Variants in FLI1 observed in about 807,000 individuals in gnomAD.
The protein encoded by FLI1 is Fli-1 proto-oncogene, ETS transcription factor, also known as Friend leukemia integration 1 transcription factor.
Under a neutral mutation model 53.1 loss-of-function variants are expected in FLI1, and 13 were observed. The observed-to-expected ratio is 0.24, with a 90% CI of 0.16 to 0.39. The LOEUF (loss-of-function observed/expected upper bound fraction) is 0.39. FLI1 is among the 10% of genes least tolerant of loss of function. The pLI, the probability that FLI1 is intolerant of heterozygous loss-of-function variation, is 1.00. For synonymous variants in FLI1, 244 were observed against 236.7 expected (o/e 1.03, Z -0.28); for missense variants, 424 against 600.5 (o/e 0.71, Z 3.07).
At chr11:128,750,233 T>C (rs1202347929) in intron 1 of FLI1, among the ~76,000 whole-genome samples, 1 of 152,156 alleles carries the variant, frequency 6.6e-6, no homozygotes, top group Non-Finnish European at 1.5e-5. Context: ...CTGGTTGCTT[T>C]TGACATTCCT....
chr11:128,768,325 G>C (rs748613082), intron 3 of FLI1, 53 bp downstream of exon 3: 1 of 1,603,518 alleles, frequency 6.2e-7, no homozygotes, highest in Non-Finnish European at 8.5e-7. Context: ...ACTCTCTGGG[G>C]GGGCAGGGAG....
At chr11:128,692,261 G>C (rs1389048823), upstream of FLI1, 1 of 152,294 alleles carries the variant, frequency 6.6e-6, no homozygotes, top group African/African-American at 2.4e-5. Context: ...GGAGGAAAGG[G>C]TTAAGCCTGA....
intron 4 of FLI1, among the ~76,000 whole-genome samples, chr11:128,777,853 G>A (rs1941787227): frequency 6.6e-6 from 1 of 152,212 alleles, no homozygotes; most frequent in South Asian, 2.1e-4. Context: ...CCCTGGCCCA[G>A]GTGTCCCCGA....
intron 5 of FLI1, among the ~76,000 whole-genome samples, chr11:128,802,288 C>T (rs141114420): frequency 1.8e-4 from 28 of 152,326 alleles, no homozygotes; most frequent in African/African-American, 5.3e-4. Flanking sequence ...ATTGACCAGA[C>T]GTCTCCTCGA....
At chr11:128,691,582 T>G (rs1334254044), upstream of FLI1, 1 of 152,322 alleles carries the variant, frequency 6.6e-6, no homozygotes, top group East Asian at 1.9e-4. Flanking sequence ...GTGGTGCCTG[T>G]GCCAGGCTCT....
chr11:128,703,523 T>C (rs1005537221), intron 1 of FLI1, among the ~76,000 whole-genome samples: 3 of 152,138 alleles, frequency 2.0e-5, no homozygotes, highest in African/African-American at 4.8e-5. Context: ...CTCCAATGTA[T>C]ATTATTACAT....
At chr11:128,709,251 A>G (rs1938687348) in intron 1 of FLI1, among the ~76,000 whole-genome samples, 1 of 152,250 alleles carries the variant, frequency 6.6e-6, no homozygotes, top group Admixed American at 6.5e-5. Context: ...TGGAAGTAAA[A>G]GCACTTTGTA....
Position 128,812,229 on chromosome 11 carries a change from G to A in FLI1, c.*1241G>A, listed in dbSNP as rs538076192. On this transcript the variant is annotated 3_prime_UTR_variant, in exon 9 of 9. Coordinates refer to ENST00000527786, the MANE Select transcript of FLI1 (RefSeq NM_002017.5). ...TAATCACAGCTCTGGGAAAAACAACGAAACTTTCCCTTGTGGAGAGGAGGG... is the reference window on the plus strand; with the variant it reads ...TAATCACAGCTCTGGGAAAAACAACAAAACTTTCCCTTGTGGAGAGGAGGG... 7 of 218,942 alleles carry A rather than the reference G, an allele frequency of 3.2e-5. No homozygotes were observed. Among genetic ancestry groups the A allele is most frequent in the African/African-American group, 1.1e-4 (5 of 44,602 alleles). The allele number at this position is 218,942 out of a possible 1,614,324, so 13.6% of individuals were successfully genotyped here. A position where few individuals can be genotyped will look rare whatever the true frequency, so the allele number is the denominator to read the frequency against.
intron 2 of FLI1, 69 bp from the exon 3 acceptor site, chr11:128,768,049 A>G: frequency 1.4e-6 from 2 of 1,432,584 alleles, no homozygotes; most frequent in Non-Finnish European, 1.9e-6. Context: ...TGGGCTCATG[A>G]TTCAGAGGCT....
chr11:128,795,741 A>G (rs1174162642), intron 5 of FLI1, among the ~76,000 whole-genome samples: 1 of 151,998 alleles, frequency 6.6e-6, no homozygotes, highest in Non-Finnish European at 1.5e-5. Context: ...TAGTAGAGAC[A>G]TGGTTTCACC....
chr11:128,705,028 A>G (rs1180495191), intron 1 of FLI1, among the ~76,000 whole-genome samples: 4 of 152,250 alleles, frequency 2.6e-5, no homozygotes, highest in Non-Finnish European at 5.9e-5. Context: ...AGAAAATAGA[A>G]AAGCAATTAT....
chr11:128,748,012 C>T (rs1940475963), intron 1 of FLI1, among the ~76,000 whole-genome samples: 1 of 152,078 alleles, frequency 6.6e-6, no homozygotes, highest in Non-Finnish European at 1.5e-5. Context: ...TGTGAACACT[C>T]AAAGTCAACA....
chr11:128,778,408 C>A (rs1177175548), intron 4 of FLI1, among the ~76,000 whole-genome samples: 1 of 152,208 alleles, frequency 6.6e-6, no homozygotes, highest in African/African-American at 2.4e-5. Context: ...TGCTTCCCAG[C>A]CCCATAGGTG....
intron 1 of FLI1, among the ~76,000 whole-genome samples, chr11:128,726,525 G>C (rs1398720068): frequency 6.6e-6 from 1 of 150,528 alleles, no homozygotes; most frequent in Non-Finnish European, 1.5e-5. Flanking sequence ...TATTTCTCCT[G>C]CCACCCTCCC....
At chr11:128,786,433 G>A (rs992531420) in intron 5 of FLI1, among the ~76,000 whole-genome samples, 20 of 152,144 alleles carry the variant, frequency 1.3e-4, no homozygotes, top group Admixed American at 6.5e-4. Context: ...CTGTACGTTC[G>A]TACATCTCAG....
intron 1 of FLI1, among the ~76,000 whole-genome samples, chr11:128,720,711 A>G (rs1252794406): frequency 6.6e-6 from 1 of 152,226 alleles, no homozygotes; most frequent in African/African-American, 2.4e-5. Context: ...GCCACTAATA[A>G]TAGAAGGGTT....
At chr11:128,796,780 G>T (rs1412707210) in intron 5 of FLI1, among the ~76,000 whole-genome samples, 2 of 152,202 alleles carry the variant, frequency 1.3e-5, no homozygotes, top group Admixed American at 6.5e-5. Context: ...TTCAAGACAA[G>T]CCTGGCCAAC....
intron 2 of FLI1, among the ~76,000 whole-genome samples, chr11:128,763,794 T>C (rs1454271457): frequency 6.6e-6 from 1 of 152,238 alleles, no homozygotes; most frequent in Non-Finnish European, 1.5e-5. Context: ...CAGCATCTAC[T>C]GTGTATGGGG....
chr11:128,769,772 C>T (rs547320112), intron 3 of FLI1, among the ~76,000 whole-genome samples: 49 of 152,320 alleles, frequency 3.2e-4, no homozygotes, highest in South Asian at 6.2e-4. Flanking sequence ...CCAGGCACCA[C>T]GTAAATTGCT....
Sources: allele counts gnomAD v4.1 joint callset (sites outside exome capture counted in the v4.1 genomes callset), GRCh38; gene constraint gnomAD v4.1.1; transcripts MANE v1.5; gene names NCBI Gene and HGNC (gene_info 2026-07-23, HGNC 2026-07-21).